Variants in CPA3 observed in about 807,000 individuals in gnomAD.
CPA3 encodes the protein mast cell carboxypeptidase A.
A neutral mutation model predicts 55.8 loss-of-function variants in CPA3; 52 were observed. The observed-to-expected ratio is 0.93, with a 90% CI of 0.75 to 1.17. CPA3 has a LOEUF of 1.17. CPA3 is among the 50% of genes most tolerant of loss of function. CPA3 has a pLI of 0.00. For missense variants in CPA3, 547 were observed against 509.1 expected, an observed-to-expected ratio of 1.07 and a Z score of -0.72; for synonymous variants, 179 against 171.2, an observed-to-expected ratio of 1.05 and a Z score of -0.36.
intron 8 of CPA3, 58 bp from the exon 9 acceptor site, chr3:148,883,555 G>C: frequency 7.4e-7 from 1 of 1,352,820 alleles, no homozygotes; most frequent in Admixed American, 1.7e-5. Context: ...ATTAGAAGAG[G>C]CAGGAGCTAT....
intron 10 of CPA3, among the ~76,000 whole-genome samples, chr3:148,887,646 T>C (rs1714569225): frequency 6.6e-6 from 1 of 152,192 alleles, no homozygotes; most frequent in Non-Finnish European, 1.5e-5. Context: ...CACTTTCTGC[T>C]CTTACAGCAA....
chr3:148,867,409 A>T (rs1403482774), intron 2 of CPA3, among the ~76,000 whole-genome samples: 1 of 152,202 alleles, frequency 6.6e-6, no homozygotes, highest in Non-Finnish European at 1.5e-5. Flanking sequence ...ACATGCATGT[A>T]TGACTCTGTG....
intron 10 of CPA3, among the ~76,000 whole-genome samples, chr3:148,890,663 T>A (rs1576585361): frequency 6.6e-6 from 1 of 152,200 alleles, no homozygotes; most frequent in East Asian, 1.9e-4. Context: ...AGTATTAATA[T>A]AAAAGTACAG....
chr3:148,896,424 A>G, intron 10 of CPA3, 96 bp from the exon 11 acceptor site: 1 of 1,029,382 alleles, frequency 9.7e-7, no homozygotes, highest in East Asian at 2.4e-5. Context: ...TGCACACATA[A>G]CTATTTTTTA....
chr3:148,881,919 G>C (rs1714378032), intron 7 of CPA3, among the ~76,000 whole-genome samples: 1 of 152,052 alleles, frequency 6.6e-6, no homozygotes. Flanking sequence ...ATCTAGCTAA[G>C]AATAAAGCCA....
intron 10 of CPA3, among the ~76,000 whole-genome samples, chr3:148,887,259 TA>T (rs1714556813): frequency 6.6e-6 from 1 of 152,148 alleles, no homozygotes; most frequent in South Asian, 2.1e-4. Flanking sequence ...TATGTGCCAA[TA>T]AAACCTCATT....
At chr3:148,887,980 AGT>A (rs1273862977) in intron 10 of CPA3, among the ~76,000 whole-genome samples, 2 of 152,226 alleles carry the variant, frequency 1.3e-5, no homozygotes, top group Non-Finnish European at 2.9e-5. Flanking sequence ...AATATCCAAC[AGT>A]GTTTAGCATT....
At chr3:148,893,715 A>C (rs1165806627) in intron 10 of CPA3, among the ~76,000 whole-genome samples, 2 of 152,234 alleles carry the variant, frequency 1.3e-5, no homozygotes, top group Non-Finnish European at 2.9e-5. Flanking sequence ...AGAGAAACTC[A>C]CATCAAAGTA....
chr3:148,877,595 CTCT>C (rs1417558085), intron 3 of CPA3, among the ~76,000 whole-genome samples: 2 of 152,146 alleles, frequency 1.3e-5, no homozygotes, highest in Non-Finnish European at 2.9e-5. Context: ...TTTTTCCCAC[CTCT>C]TATTTCACCC....
At chr3:148,895,662 A>G (rs1714806127) in intron 10 of CPA3, among the ~76,000 whole-genome samples, 1 of 152,222 alleles carries the variant, frequency 6.6e-6, no homozygotes, top group Admixed American at 6.5e-5. Flanking sequence ...CCAATTTAAG[A>G]GCCAACACTA....
intron 3 of CPA3, 113 bp downstream of exon 3, chr3:148,869,152 G>C: frequency 8.3e-7 from 1 of 1,206,856 alleles, no homozygotes; most frequent in Non-Finnish European, 1.1e-6. Context: ...CAGAACGAAA[G>C]CTCTTTCTGT....
At chr3:148,873,688 A>G (rs1714132755) in intron 3 of CPA3, among the ~76,000 whole-genome samples, 1 of 152,202 alleles carries the variant, frequency 6.6e-6, no homozygotes, top group African/African-American at 2.4e-5. Flanking sequence ...AATGGCTCAC[A>G]GCTACGGTGC....
At chr3:148,865,934 C>T (rs1488835370) in intron 2 of CPA3, among the ~76,000 whole-genome samples, 2 of 152,156 alleles carry the variant, frequency 1.3e-5, no homozygotes, top group Non-Finnish European at 2.9e-5. Context: ...TAACTGAAAA[C>T]GTTGAGGCAC....
rs372213795 is a variant in CPA3 at position 148,878,731 on chromosome 3, C to A, written c.457C>A (p.Pro153Thr). Residue 153 changes from proline (P) to threonine (T), a missense_variant, in exon 5 of 11, where the codon CCA (proline) becomes ACA (threonine). Coordinates refer to ENST00000296046, the MANE Select transcript of CPA3 (RefSeq NM_001870.4). ...IKIGSTVEDN[P>T]LYVLKIGEKN... ...AATTGGATCTACTGTTGAAGATAAT[C>A]CACTATATGTTCTGAAGGTAAAAAT... The A allele has an allele frequency of 1.1e-4, 177 of 1,587,042 alleles. No homozygotes were observed. Among genetic ancestry groups the A allele is most frequent in the Non-Finnish European group, 1.5e-4 (169 of 1,157,624 alleles).
At chr3:148,871,045 C>A (rs1320871132) in intron 3 of CPA3, among the ~76,000 whole-genome samples, 1 of 152,128 alleles carries the variant, frequency 6.6e-6, no homozygotes, top group Non-Finnish European at 1.5e-5. Context: ...ACTACAGGCA[C>A]CTGCCACCAT....
chr3:148,891,258 T>A (rs4681161), intron 10 of CPA3, among the ~76,000 whole-genome samples: 1 of 151,964 alleles, frequency 6.6e-6, no homozygotes, highest in Admixed American at 6.6e-5. Flanking sequence ...ATTTTATAAA[T>A]GCATACACAT....
rs1714833938 is a variant in CPA3, at chr3:148,896,561, G to A, written c.1108G>A (p.Gly370Ser). 1.9e-6 allele frequency: 3 copies of A among 1,559,672 alleles called. No individual in the cohort carries two copies. The highest frequency in any genetic ancestry group is 2.6e-6 in the Non-Finnish European group (3 of 1,139,802). Residue 370 changes from glycine to serine, a missense_variant, in exon 11 of 11, where the codon GGC becomes AGC. Gly to Ser is a moderately conservative substitution (Grantham distance 56). Coordinates refer to ENST00000296046, the MANE Select transcript of CPA3 (RefSeq NM_001870.4). ...TTCTTTAGACTGGGCTTATGACCTG[G>A]GCATCAAACACACATTTGCCTTTGA... ...GSSLDWAYDL[G>S]IKHTFAFELR...
At chr3:148,896,382 G>C (rs1714829341) in intron 10 of CPA3, 138 bp from the exon 11 acceptor site, 1 of 634,518 alleles carries the variant, frequency 1.6e-6, no homozygotes, top group African/African-American at 1.8e-5. Context: ...GTACTATTCA[G>C]ACCACTACTC....
At chr3:148,881,872 C>G (rs1332765983) in intron 7 of CPA3, among the ~76,000 whole-genome samples, 2 of 152,024 alleles carry the variant, frequency 1.3e-5, no homozygotes, top group Non-Finnish European at 2.9e-5. Context: ...GTAGTAATTA[C>G]AGAGGAAATG....
Sources: allele counts gnomAD v4.1 joint callset (sites outside exome capture counted in the v4.1 genomes callset), GRCh38; gene constraint gnomAD v4.1.1; transcripts MANE v1.5; gene names NCBI Gene and HGNC (gene_info 2026-07-23, HGNC 2026-07-21).